GALNS: variants seen among roughly 807,000 people sequenced by gnomAD.
The protein encoded by GALNS is N-acetylgalactosamine-6-sulfatase.
Under a neutral mutation model 65.9 loss-of-function variants are expected in GALNS, and 65 were observed. The ratio of observed to expected loss-of-function variants is 0.99; its 90% CI spans 0.81 to 1.21. GALNS has a LOEUF of 1.21. GALNS is among the 50% of genes most tolerant of loss of function. The probability of loss-of-function intolerance (pLI) is 0.00; values close to 1 mark genes in which losing one functional copy is unlikely to be tolerated. For synonymous variants in GALNS, 346 were observed against 288.9 expected, an observed-to-expected ratio of 1.20 and a Z score of -2.00; for missense variants, 776 against 700.7, an observed-to-expected ratio of 1.11 and a Z score of -1.21.
Position 88,837,749 on chromosome 16 carries a change from G to T in GALNS, c.439C>A (p.Pro147Thr). ...CCGTGCTTCAGGGGGTGGAACTGGG[G>T]CCTGTGACCCAGATGCCTGGAAACA... ...IVGKWHLGHRPQFHPLKHGFD... is the reference protein window; with the variant it reads ...IVGKWHLGHRTQFHPLKHGFD... Residue 147 changes from proline to threonine, a missense_variant, in exon 5 of 14, where the codon CCC (proline) becomes ACC (threonine). Transcript: ENST00000268695. The T allele has an allele frequency of 6.2e-7, 1 of 1,613,978 alleles. No individual in the cohort carries two copies. Among genetic ancestry groups the T allele is most frequent in the Non-Finnish European group, 8.5e-7 (1 of 1,180,002 alleles).
At chr16:88,848,816 C>T (rs74646528) in intron 1 of GALNS, among the ~76,000 whole-genome samples, 4,729 of 152,280 alleles carry the variant, frequency 0.031, 251 homozygotes, top group African/African-American at 0.11. Context: ...CGCTGGGCCC[C>T]GGGGACCGCG....
rs113875850 is a variant in GALNS at position 88,847,921 on chromosome 16, T to C, written c.121-5092A>G. 3.6e-3 allele frequency among the ~76,000 whole-genome samples: 552 copies of C among 152,328 alleles called. 2 individuals carry two copies. Among genetic ancestry groups the C allele is most frequent in the African/African-American group, 0.012 (516 of 41,568 alleles). On this transcript the variant is annotated intron_variant, in intron 1 of 13. Transcript: ENST00000268695. Reference sequence around the variant, plus strand: ...CCAACACCCACAGCGGCTCGCTCCCTGGCAGCCAAGCTGGAAACACCCGGA... The same window carrying C: ...CCAACACCCACAGCGGCTCGCTCCCCGGCAGCCAAGCTGGAAACACCCGGA...
At chr16:88,840,694 G>A (rs1966923656) in intron 4 of GALNS, 2 of 454,748 alleles carry the variant, frequency 4.4e-6, no homozygotes, top group Non-Finnish European at 8.2e-6. Flanking sequence ...GCAGCCGGGG[G>A]GCAGTGGTGG....
At chr16:88,847,195 A>AC (rs1967285450) in intron 1 of GALNS, among the ~76,000 whole-genome samples, 1 of 151,700 alleles carries the variant, frequency 6.6e-6, no homozygotes, top group Non-Finnish European at 1.5e-5. Context: ...ACAAGGTGAG[A>AC]CCCCATCTCT....
intron 13 of GALNS, chr16:88,817,184 C>G: frequency 1.0e-6 from 1 of 985,476 alleles, no homozygotes; most frequent in South Asian, 4.7e-5. Context: ...ATGGGACCCC[C>G]AAGCAGGGGA....
rs148079361 is a variant in GALNS at position 88,843,433 on chromosome 16, G to A, written c.121-604C>T. The A allele has an allele frequency of 1.2e-4, 43 of 354,214 alleles. No homozygotes were observed. In the East Asian group the frequency reaches 2.6e-3, roughly 22 times the overall value. 21.9% of individuals were successfully genotyped at this position (354,214 alleles called of 1,614,324 possible). A position where few individuals can be genotyped will look rare whatever the true frequency, so the allele number is the denominator to read the frequency against. ...GCCAAAAGGCAGGAGCACCCTGAGC[G>A]CCCATCGGCAGACGACAAAGTGCGG... On this transcript the variant is annotated intron_variant, in intron 1 of 13. Coordinates refer to ENST00000268695, the MANE Select transcript of GALNS (RefSeq NM_000512.5).
intron 12 of GALNS, among the ~76,000 whole-genome samples, chr16:88,822,125 G>C (rs1253819096): frequency 6.6e-6 from 1 of 152,188 alleles, no homozygotes; most frequent in African/African-American, 2.4e-5. Context: ...TAAGGGGAGG[G>C]CTTCCCTGAA....
rs748401623 is a variant in GALNS at position 88,814,186 on chromosome 16, G to A, written c.*253C>T. On this transcript the variant is annotated 3_prime_UTR_variant, in exon 14 of 14. Coordinates refer to ENST00000268695, the MANE Select transcript of GALNS (RefSeq NM_000512.5). ...GTTCACAAAGGCGTGAGACGGCAGG[G>A]TCCTGAGGTCTGAGGCGCCGTGGGC... The A allele has an allele frequency of 1.7e-6, 1 of 583,940 alleles. No homozygotes were observed. Among genetic ancestry groups the A allele is most frequent in the Non-Finnish European group, 3.1e-6 (1 of 326,368 alleles). The allele number at this position is 583,940 out of a possible 1,614,324, so 36.2% of individuals were successfully genotyped here. A position where few individuals can be genotyped will look rare whatever the true frequency, so the allele number is the denominator to read the frequency against.
Position 88,856,754 on chromosome 16 carries a change from T to C in GALNS, c.120+4A>G, listed in dbSNP as rs1213209894. 7.4e-7 allele frequency: 1 copy of C among 1,355,204 alleles called. No homozygotes were observed. Among genetic ancestry groups the C allele is most frequent in the Admixed American group, 2.1e-5 (1 of 46,762 alleles). 83.9% of individuals were successfully genotyped at this position (1,355,204 alleles called of 1,614,324 possible). On this transcript the variant is annotated splice_donor_region_variant and intron_variant, in intron 1 of 13. Coordinates refer to ENST00000268695, the MANE Select transcript of GALNS (RefSeq NM_000512.5). Reference sequence around the variant, plus strand: ...CCCTGCCCCGTCCCACCGCCCGCACTCACGTCGTCCATGAGCAGGAGCAGG... The same window carrying C: ...CCCTGCCCCGTCCCACCGCCCGCACCCACGTCGTCCATGAGCAGGAGCAGG...
chr16:88,855,698 C>T (rs1456237243), intron 1 of GALNS: 2 of 591,988 alleles, frequency 3.4e-6, no homozygotes, highest in Non-Finnish European at 6.0e-6. Context: ...ATTTTTCTTT[C>T]ACCAAGTCTT....
chr16:88,824,793 T>C lies in GALNS; in HGVS notation c.1216A>G (p.Thr406Ala). The change falls in exon 11 of 14, where the codon ACC becomes GCC. Residue 406 changes from threonine to alanine, a missense_variant. Transcript: ENST00000268695. ...TGTCTGAAGTTCTCCCAGGAGTTGG[T>C]CCAGGTCCAGAAGTGAGCCTTGTGC... ...GQHKAHFWTW[T>A]NSWENFRQGI... is the part of the protein sequence containing the mutation. 1 of 1,613,408 alleles carries C rather than the reference T, an allele frequency of 6.2e-7. No individual in the cohort carries two copies. Among genetic ancestry groups the C allele is most frequent in the Non-Finnish European group, 8.5e-7 (1 of 1,179,982 alleles).
intron 1 of GALNS, chr16:88,855,865 G>A (rs1967815791): frequency 2.0e-6 from 1 of 504,886 alleles, no homozygotes; most frequent in African/African-American, 1.9e-5. Flanking sequence ...CACAGGGGCT[G>A]AGCGACACCG....
intron 1 of GALNS, among the ~76,000 whole-genome samples, chr16:88,846,148 T>C (rs1967232345): frequency 1.3e-5 from 2 of 152,340 alleles, no homozygotes; most frequent in South Asian, 4.1e-4. Context: ...AGTTCATCTG[T>C]GTTAATGGGT....
intron 8 of GALNS, 62 bp from the exon 9 acceptor site, chr16:88,832,163 C>G: frequency 7.1e-7 from 1 of 1,402,746 alleles, no homozygotes; most frequent in South Asian, 1.2e-5. Context: ...CTCCCCCTCC[C>G]TCCCCACTGA....
At chr16:88,847,014 G>A (rs1256704677) in intron 1 of GALNS, among the ~76,000 whole-genome samples, 1 of 152,170 alleles carries the variant, frequency 6.6e-6, no homozygotes, top group African/African-American at 2.4e-5. Context: ...GGCAGGGAGG[G>A]AAAACCTCTT....
chr16:88,844,539 T>C (rs1203630878), intron 1 of GALNS: 1 of 152,196 alleles, frequency 6.6e-6, no homozygotes, highest in African/African-American at 2.4e-5. Context: ...TAAGGACATA[T>C]TCCCTCCTGA....
At chr16:88,828,781 C>T (rs922258064) in intron 9 of GALNS, among the ~76,000 whole-genome samples, 4 of 152,234 alleles carry the variant, frequency 2.6e-5, no homozygotes, top group African/African-American at 7.2e-5. Context: ...GAACCCACTA[C>T]GCATGGAGCC....
intron 13 of GALNS, chr16:88,817,069 A>C (rs1024209980): frequency 9.1e-6 from 9 of 985,132 alleles, no homozygotes; most frequent in Non-Finnish European, 1.1e-5. Flanking sequence ...CATCTGAAGG[A>C]GCTGTGAAGA....
intron 9 of GALNS, among the ~76,000 whole-genome samples, chr16:88,829,623 CAG>C (rs1052072179): frequency 2.0e-5 from 3 of 152,238 alleles, no homozygotes; most frequent in Non-Finnish European, 2.9e-5. Context: ...GCTGGGGACA[CAG>C]GGGACTGCCC....
Sources: allele counts gnomAD v4.1 joint callset (sites outside exome capture counted in the v4.1 genomes callset), GRCh38; gene constraint gnomAD v4.1.1; transcripts MANE v1.5; gene names NCBI Gene and HGNC (gene_info 2026-07-23, HGNC 2026-07-21).